The following CNIH4 variants were observed in gnomAD, a reference collection of about 807,000 sequenced individuals.
CNIH4 encodes the protein cornichon family member 4.
Under a neutral mutation model 21.5 loss-of-function variants are expected in CNIH4, and 9 were observed. That is an observed-to-expected ratio of 0.42 (90% CI 0.25 to 0.73). CNIH4 has a LOEUF of 0.73. Among genes scored for constraint, CNIH4 ranks in the 30% least tolerant of loss-of-function variants. The pLI is 0.27. For synonymous variants in CNIH4, 67 were observed against 59.1 expected (o/e 1.13, Z -0.61); for missense variants, 159 against 170.0 (o/e 0.94, Z 0.36).
intron 3 of CNIH4, among the ~76,000 whole-genome samples, chr1:224,367,327 A>T (rs757610540): frequency 1.3e-5 from 2 of 152,172 alleles, no homozygotes; most frequent in Non-Finnish European, 2.9e-5. Context: ...TGGGATGCAC[A>T]TGAAAAGATA....
chr1:224,357,851 T>A (rs1040685464), intron 1 of CNIH4, among the ~76,000 whole-genome samples: 1 of 152,258 alleles, frequency 6.6e-6, no homozygotes, highest in African/African-American at 2.4e-5. Context: ...CGGCTACAAC[T>A]CTTCCCATCT....
chr1:224,358,836 ACAT>A (rs1672191020), intron 1 of CNIH4, among the ~76,000 whole-genome samples: 1 of 152,278 alleles, frequency 6.6e-6, no homozygotes. Context: ...CTTAGACATT[ACAT>A]TAAAATACAT....
chr1:224,364,092 C>T (rs1016940937), intron 2 of CNIH4: 2 of 985,222 alleles, frequency 2.0e-6, no homozygotes, highest in African/African-American at 1.7e-5. Flanking sequence ...AGTCTTGCTT[C>T]CTGAAACATA....
intron 4 of CNIH4, among the ~76,000 whole-genome samples, chr1:224,374,388 C>T (rs539892670): frequency 2.0e-5 from 3 of 150,988 alleles, no homozygotes; most frequent in Non-Finnish European, 4.4e-5. Context: ...ACCACTTACA[C>T]TGTGGCCTGG....
At chr1:224,371,172 G>A (rs1189539571) in intron 3 of CNIH4, 111 bp from the exon 4 acceptor site, 2 of 1,145,014 alleles carry the variant, frequency 1.7e-6, no homozygotes, top group African/African-American at 3.1e-5. Flanking sequence ...CCACAGTACT[G>A]GGCCTGATTG....
intron 4 of CNIH4, among the ~76,000 whole-genome samples, chr1:224,375,387 A>G (rs769140210): frequency 5.3e-5 from 8 of 152,182 alleles, no homozygotes; most frequent in African/African-American, 1.2e-4. Context: ...TACTGCTTTG[A>G]TGGAGTGGTG....
chr1:224,376,699 C>A lies in CNIH4; in HGVS notation c.*877C>A. 1 of 985,444 alleles carries A rather than the reference C, an allele frequency of 1.0e-6. No individual in the cohort carries two copies. Among genetic ancestry groups the A allele is most frequent in the Non-Finnish European group, 1.2e-6 (1 of 829,948 alleles). The allele number at this position is 985,444 out of a possible 1,614,324, so 61.0% of individuals were successfully genotyped here. ...TGGTGCCAGATCAACACTTCTATCC[C>A]TCTGCACTGACCACGTTGTGAACTG... On this transcript the variant is annotated 3_prime_UTR_variant, in exon 5 of 5. Transcript: ENST00000465271.
In CNIH4 at chr1:224,362,394, TC is replaced by T. The variant is rs1172087127; in HGVS notation, c.138+1832del. Among the ~76,000 whole-genome samples, 5 of 151,694 alleles carry T rather than the reference TC, an allele frequency of 3.3e-5. No individual in the cohort carries two copies. The East Asian group carries it at 7.8e-4, about 24-fold the overall frequency. On this transcript the variant is annotated intron_variant, in intron 2 of 4. Transcript: ENST00000465271. ...TTCTCATTCTCATTCTCTCTCTCTCTCTCTCTTTCTCTCTTTTCCTGTCCTC... is the reference window on the plus strand; with the variant it reads ...TTCTCATTCTCATTCTCTCTCTCTCTTCTCTTTCTCTCTTTTCCTGTCCTC...
chr1:224,370,900 G>A (rs898714644), intron 3 of CNIH4, among the ~76,000 whole-genome samples: 6 of 139,634 alleles, frequency 4.3e-5, no homozygotes, highest in Admixed American at 3.7e-4. Context: ...TTTTTGAGAT[G>A]GAGTTCTGCT....
At chr1:224,359,774 C>T (rs923271008) in intron 1 of CNIH4, among the ~76,000 whole-genome samples, 1 of 151,984 alleles carries the variant, frequency 6.6e-6, no homozygotes, top group African/African-American at 2.4e-5. Context: ...CTCAGTGTAA[C>T]GTGAATCCTG....
At chr1:224,373,420 C>T (rs1010653351) in intron 4 of CNIH4, among the ~76,000 whole-genome samples, 2 of 152,124 alleles carry the variant, frequency 1.3e-5, no homozygotes, top group African/African-American at 2.4e-5. Flanking sequence ...GTACAGCCCA[C>T]GTAGTCATGC....
chr1:224,370,647 C>G (rs1211121177), intron 3 of CNIH4, among the ~76,000 whole-genome samples: 1 of 152,068 alleles, frequency 6.6e-6, no homozygotes, highest in Non-Finnish European at 1.5e-5. Context: ...TAACCTTTGT[C>G]TAATGGAAAA....
intron 3 of CNIH4, among the ~76,000 whole-genome samples, chr1:224,366,216 A>AT (rs1158578910): frequency 6.6e-5 from 10 of 151,582 alleles, no homozygotes; most frequent in Non-Finnish European, 1.2e-4. Flanking sequence ...TAATTTTTGT[A>AT]TTTTTACTAG....
At chr1:224,357,231 G>A (rs1345263969) in intron 1 of CNIH4, 3 of 446,142 alleles carry the variant, frequency 6.7e-6, no homozygotes, top group East Asian at 3.9e-5. Flanking sequence ...GTTGCCGGCC[G>A]CCCCTCACTC....
chr1:224,364,669 TCACGCCTGTAATCC>T (rs1672397952), intron 2 of CNIH4, among the ~76,000 whole-genome samples: 1 of 152,202 alleles, frequency 6.6e-6, no homozygotes, highest in African/African-American at 2.4e-5. Flanking sequence ...GCGCAGTGGC[TCACGCCTGTAATCC>T]CAGCACTTTG....
At chr1:224,362,853 TC>T (rs1249147231) in intron 2 of CNIH4, among the ~76,000 whole-genome samples, 1 of 152,142 alleles carries the variant, frequency 6.6e-6, no homozygotes, top group Admixed American at 6.5e-5. Flanking sequence ...TGGGAAATTT[TC>T]TTGTATTCTT....
intron 3 of CNIH4, among the ~76,000 whole-genome samples, chr1:224,370,724 A>G (rs951416265): frequency 1.3e-5 from 2 of 152,166 alleles, no homozygotes; most frequent in African/African-American, 2.4e-5. Flanking sequence ...TGCATAAAAT[A>G]TCCTTTTCTG....
chr1:224,372,519 C>G (rs1672660743), intron 4 of CNIH4, among the ~76,000 whole-genome samples: 1 of 152,034 alleles, frequency 6.6e-6, no homozygotes, highest in South Asian at 2.1e-4. Flanking sequence ...TAAACTTCCA[C>G]CACTCAGAAA....
At chr1:224,368,280 C>T (rs1231712644) in intron 3 of CNIH4, among the ~76,000 whole-genome samples, 2 of 152,094 alleles carry the variant, frequency 1.3e-5, no homozygotes, top group African/African-American at 4.8e-5. Flanking sequence ...TGCAGTGAGC[C>T]GAGATTGCAC....
Sources: gnomAD v4.1 joint callset for allele counts (sites outside exome capture counted in the v4.1 genomes callset) on GRCh38, gnomAD v4.1.1 for gene constraint, MANE v1.5 for transcripts, NCBI Gene and HGNC (gene_info 2026-07-23, HGNC 2026-07-21) for gene names.